The following TRIQK variants were observed in gnomAD, a reference collection of about 807,000 sequenced individuals.
The protein encoded by TRIQK is triple QxxK/R motif-containing protein.
In TRIQK, 10 loss-of-function variants were observed where a neutral mutation model predicts 10.8. The ratio of observed to expected loss-of-function variants is 0.92; its 90% confidence interval spans 0.57 to 1.57. The LOEUF (loss-of-function observed/expected upper bound fraction) is 1.57, where lower values mean the gene tolerates loss of function less well. TRIQK is among the 40% of genes most tolerant of loss of function. The probability of loss-of-function intolerance (pLI) is 0.00; values close to 1 mark genes in which losing one functional copy is unlikely to be tolerated. For synonymous variants in TRIQK, 33 were observed against 33.7 expected, an observed-to-expected ratio of 0.98 and a Z score of 0.07; for missense variants, 107 against 97.7, an observed-to-expected ratio of 1.09 and a Z score of -0.40.
chr8:92,922,899 T>G (rs1489058990), intron 2 of TRIQK, among the ~76,000 whole-genome samples: 1 of 151,786 alleles, frequency 6.6e-6, no homozygotes, highest in Admixed American at 6.6e-5. Context: ...ATTTCAAAAT[T>G]TAAACTTTCT....
intron 3 of TRIQK, among the ~76,000 whole-genome samples, chr8:92,911,806 T>C (rs1809583239): frequency 6.7e-6 from 1 of 150,062 alleles, no homozygotes; most frequent in African/African-American, 2.4e-5. Flanking sequence ...TATATGTGTA[T>C]ATATGTACAT....
At chr8:92,992,468 G>T (rs1192434633) in intron 1 of TRIQK, among the ~76,000 whole-genome samples, 6 of 152,224 alleles carry the variant, frequency 3.9e-5, no homozygotes, top group Admixed American at 6.5e-5. Flanking sequence ...AAGGTCATCT[G>T]CTCATGGGAG....
chr8:92,969,704 T>C (rs745685249), upstream of TRIQK, among the ~76,000 whole-genome samples: 45 of 152,268 alleles, frequency 3.0e-4, no homozygotes, highest in South Asian at 2.5e-3. Flanking sequence ...TTAAGCATAT[T>C]CTATCACTTA....
Position 92,920,317 on chromosome 8 carries a change from A to G in TRIQK, c.-21-3307T>C, listed in dbSNP as rs987909119. ...AGTATTCTTCAAACTGGTGTCTGCAAGTTGTTCCTCATTCCTTCTAGTAAG... is the reference window on the plus strand; with the variant it reads ...AGTATTCTTCAAACTGGTGTCTGCAGGTTGTTCCTCATTCCTTCTAGTAAG... On this transcript the variant is annotated intron_variant, in intron 2 of 4. Coordinates refer to ENST00000521988, the MANE Select transcript of TRIQK (RefSeq NM_001171797.2). 2.6e-5 allele frequency among the ~76,000 whole-genome samples: 4 copies of G among 151,804 alleles called. No individual in the cohort carries two copies. The East Asian group carries it at 7.7e-4, about 29-fold the overall frequency.
chr8:92,911,623 A>G (rs1809570760), intron 3 of TRIQK, among the ~76,000 whole-genome samples: 1 of 151,478 alleles, frequency 6.6e-6, no homozygotes, highest in Non-Finnish European at 1.5e-5. Flanking sequence ...GAGCAGGAGT[A>G]GCTATACTTA....
rs1816384076 is a variant in TRIQK, at chr8:92,884,808, T to C, written c.*1814A>G. On this transcript the variant is annotated 3_prime_UTR_variant, in exon 5 of 5. Coordinates refer to ENST00000521988, the MANE Select transcript of TRIQK (RefSeq NM_001171797.2). ...TTTTAACACCATATGGAACGGGAAA[T>C]AACTAAATGAAAATTGTTCACGTAA... 1 of 454,210 alleles carries C rather than the reference T, an allele frequency of 2.2e-6. No homozygotes were observed. The highest frequency in any genetic ancestry group is 2.0e-5 in the African/African-American group (1 of 49,748). 28.1% of individuals were successfully genotyped at this position (454,210 alleles called of 1,614,324 possible). A position where few individuals can be genotyped will look rare whatever the true frequency, so the allele number is the denominator to read the frequency against.
At chr8:92,965,099 T>C (rs2130727285) in intron 1 of TRIQK, 1 of 152,332 alleles carries the variant, frequency 6.6e-6, no homozygotes, top group Non-Finnish European at 1.5e-5. Flanking sequence ...TCTCACACCA[T>C]ACTTGTTGAT....
chr8:92,982,679 A>G (rs968074121), intron 1 of TRIQK, among the ~76,000 whole-genome samples: 21 of 152,156 alleles, frequency 1.4e-4, no homozygotes, highest in African/African-American at 4.6e-4. Context: ...AAGTGTTCCC[A>G]TAGAATCAGA....
intron 4 of TRIQK, among the ~76,000 whole-genome samples, chr8:92,887,846 C>A (rs1816566148): frequency 6.6e-6 from 1 of 151,520 alleles, no homozygotes; most frequent in Non-Finnish European, 1.5e-5. Flanking sequence ...TTTTTAGCTT[C>A]ATAATTACAT....
At chr8:92,906,899 A>C (rs917935174) in intron 3 of TRIQK, among the ~76,000 whole-genome samples, 67 of 140,566 alleles carry the variant, frequency 4.8e-4, no homozygotes, top group African/African-American at 1.7e-3. Context: ...TCTCAAAAAG[A>C]AAAAAAAAAA....
At chr8:92,962,057 T>G (rs1402550970) in intron 1 of TRIQK, among the ~76,000 whole-genome samples, 1 of 152,162 alleles carries the variant, frequency 6.6e-6, no homozygotes, top group Non-Finnish European at 1.5e-5. Flanking sequence ...TACACCTATC[T>G]CACTCTATTG....
At chr8:92,915,731 C>T (rs1809800879) in intron 3 of TRIQK, among the ~76,000 whole-genome samples, 2 of 149,784 alleles carry the variant, frequency 1.3e-5, no homozygotes, top group South Asian at 2.1e-4. Context: ...GATCTCCTGA[C>T]CTTGTGATCC....
chr8:92,966,511 A>C (rs962199903), upstream of TRIQK, among the ~76,000 whole-genome samples: 4 of 152,138 alleles, frequency 2.6e-5, no homozygotes, highest in Non-Finnish European at 5.9e-5. Flanking sequence ...GCAAAAAAGA[A>C]AAAAAAATCG....
intron 2 of TRIQK, among the ~76,000 whole-genome samples, chr8:92,918,514 T>A (rs1287185265): frequency 2.0e-5 from 3 of 152,100 alleles, no homozygotes; most frequent in Admixed American, 6.6e-5. Context: ...GTTGGCCATT[T>A]GTATCTTCTT....
intron 1 of TRIQK, among the ~76,000 whole-genome samples, chr8:93,006,294 G>T (rs1041441259): frequency 3.3e-5 from 5 of 152,166 alleles, no homozygotes; most frequent in African/African-American, 4.8e-5. Context: ...TAGACGGTTG[G>T]CATGACTCAG....
intron 3 of TRIQK, among the ~76,000 whole-genome samples, chr8:92,893,841 T>C (rs908185247): frequency 2.2e-5 from 3 of 137,528 alleles, no homozygotes; most frequent in Non-Finnish European, 4.6e-5. Flanking sequence ...AATCTCTTGA[T>C]GCTATGGCGG....
chr8:92,997,243 C>T (rs1189067831), intron 1 of TRIQK, among the ~76,000 whole-genome samples: 1 of 151,966 alleles, frequency 6.6e-6, no homozygotes, highest in African/African-American at 2.4e-5. Flanking sequence ...AACATACTGG[C>T]ACTAGGAATT....
At chr8:92,978,139 C>A (rs1457479681) in intron 1 of TRIQK, among the ~76,000 whole-genome samples, 1 of 152,086 alleles carries the variant, frequency 6.6e-6, no homozygotes, top group African/African-American at 2.4e-5. Flanking sequence ...TAGTTGTCTC[C>A]TGTCTGACAC....
At chr8:93,011,179 TACACACACACACAC>T (rs553408139) in intron 1 of TRIQK, among the ~76,000 whole-genome samples, 2 of 138,750 alleles carry the variant, frequency 1.4e-5, no homozygotes, top group African/African-American at 5.3e-5. Context: ...TACACATACA[TACACACACACACAC>T]ACACACACAC....
Sources: allele counts gnomAD v4.1 joint callset (sites outside exome capture counted in the v4.1 genomes callset), GRCh38; gene constraint gnomAD v4.1.1; transcripts MANE v1.5; gene names NCBI Gene and HGNC (gene_info 2026-07-23, HGNC 2026-07-21).